Variants in ASTN2 observed in about 807,000 individuals in gnomAD.
ASTN2 encodes the protein astrotactin 2.
Under a neutral mutation model 139.8 loss-of-function variants are expected in ASTN2, and 54 were observed. The ratio of observed to expected loss-of-function variants is 0.39; its 90% CI spans 0.31 to 0.48. ASTN2 has a LOEUF of 0.48. Ranked by LOEUF, ASTN2 falls within the 20% of genes least tolerant of loss-of-function variation. The pLI, the probability that ASTN2 is intolerant of heterozygous loss-of-function variation, is 0.95. For missense variants in ASTN2, 1,565 were observed against 1,725.1 expected, an observed-to-expected ratio of 0.91 and a Z score of 1.64; for synonymous variants, 756 against 719.5, an observed-to-expected ratio of 1.05 and a Z score of -0.81.
intron 8 of ASTN2, 27 bp downstream of exon 8, chr9:116,976,674 C>T (rs1836349520): frequency 6.2e-7 from 1 of 1,611,366 alleles, no homozygotes; most frequent in Admixed American, 1.7e-5. Context: ...CTGCACTGTC[C>T]TGGACCTGAT....
chr9:116,481,199 G>A (rs1849157496), intron 20 of ASTN2, among the ~76,000 whole-genome samples: 1 of 152,108 alleles, frequency 6.6e-6, no homozygotes, highest in African/African-American at 2.4e-5. Context: ...GGGCAACATG[G>A]CAAAATCCCG....
chr9:116,909,005 T>C (rs779300972), intron 10 of ASTN2, among the ~76,000 whole-genome samples: 4 of 152,154 alleles, frequency 2.6e-5, no homozygotes, highest in South Asian at 2.1e-4. Context: ...GGGATGGTGG[T>C]AGGAACTGGT....
At chr9:116,440,365 T>C (rs867876011) in intron 22 of ASTN2, among the ~76,000 whole-genome samples, 1 of 152,110 alleles carries the variant, frequency 6.6e-6, no homozygotes, top group Non-Finnish European at 1.5e-5. Flanking sequence ...GCAAGGAGAA[T>C]GATTAATGCA....
intron 4 of ASTN2, among the ~76,000 whole-genome samples, chr9:117,131,589 A>C (rs1419054531): frequency 6.6e-6 from 1 of 152,204 alleles, no homozygotes; most frequent in African/African-American, 2.4e-5. Flanking sequence ...GGTCTTAAAA[A>C]GTACATTTAC....
At chr9:116,841,653 C>T (rs1322213478) in intron 11 of ASTN2, among the ~76,000 whole-genome samples, 1 of 152,154 alleles carries the variant, frequency 6.6e-6, no homozygotes, top group Non-Finnish European at 1.5e-5. Context: ...CTGACTGAGC[C>T]ACTTCCTCAA....
intron 3 of ASTN2, chr9:117,180,955 A>G (rs1397514439): frequency 7.5e-6 from 12 of 1,597,692 alleles, no homozygotes; most frequent in Middle Eastern, 2.0e-4. Flanking sequence ...AACTTGGCCA[A>G]TGTGAACCCT....
At chr9:117,230,225 T>TA (rs940395272) in intron 2 of ASTN2, among the ~76,000 whole-genome samples, 12 of 150,010 alleles carry the variant, frequency 8.0e-5, no homozygotes, top group African/African-American at 2.7e-4. Context: ...CTTAAAGTGT[T>TA]AGATATTTAT....
intron 5 of ASTN2, among the ~76,000 whole-genome samples, chr9:117,093,152 A>G (rs1259378443): frequency 2.0e-5 from 3 of 152,142 alleles, no homozygotes; most frequent in African/African-American, 7.2e-5. Context: ...TTTCAGATTG[A>G]AAAACAGAGA....
At chr9:116,989,508 A>G (rs1836783366) in intron 7 of ASTN2, among the ~76,000 whole-genome samples, 1 of 151,378 alleles carries the variant, frequency 6.6e-6, no homozygotes, top group Non-Finnish European at 1.5e-5. Flanking sequence ...GGAATATTAT[A>G]CCATTTTACG....
At chr9:117,340,802 A>G (rs79099434) in intron 1 of ASTN2, among the ~76,000 whole-genome samples, 6,697 of 152,204 alleles carry the variant, frequency 0.044, 213 homozygotes, top group South Asian at 0.098. Flanking sequence ...GGAGGCTAGG[A>G]CCCCGGTCCC....
chr9:116,833,673 T>C (rs1270743465), intron 11 of ASTN2, among the ~76,000 whole-genome samples: 1 of 152,224 alleles, frequency 6.6e-6, no homozygotes, highest in African/African-American at 2.4e-5. Context: ...AGACTTCTTC[T>C]TTGACCCATT....
At chr9:116,910,384 A>ACCCCTG (rs1018059547) in intron 10 of ASTN2, among the ~76,000 whole-genome samples, 1 of 152,130 alleles carries the variant, frequency 6.6e-6, no homozygotes, top group Non-Finnish European at 1.5e-5. Flanking sequence ...ATTTAGCAGC[A>ACCCCTG]CCCCTGTCAT....
At chr9:116,725,311 T>G (rs1828588594) in intron 16 of ASTN2, among the ~76,000 whole-genome samples, 1 of 151,984 alleles carries the variant, frequency 6.6e-6, no homozygotes, top group Admixed American at 6.6e-5. Context: ...GGAAACCGTC[T>G]GCTTGGTTAT....
chr9:116,435,606 C>T (rs1344997447), intron 22 of ASTN2, among the ~76,000 whole-genome samples: 1 of 152,228 alleles, frequency 6.6e-6, no homozygotes, highest in African/African-American at 2.4e-5. Context: ...CAACTTCTCT[C>T]ATCTTTGCAT....
chr9:116,635,778 T>G lies in ASTN2; in HGVS notation c.3073-15335A>C, dbSNP rs1275817258. Among the ~76,000 whole-genome samples, 3 of 152,334 alleles carry G rather than the reference T, an allele frequency of 2.0e-5. No individual in the cohort carries two copies. In the East Asian group the frequency reaches 5.8e-4, roughly 29 times the overall value. ...AGCCCAAAAGCCCAAGCTCTTTTGA[T>G]AGTGGATGTAGGATCTCTGAAAAGG... On this transcript the variant is annotated intron_variant, in intron 17 of 22. Coordinates refer to ENST00000313400, the MANE Select transcript of ASTN2 (RefSeq NM_001365068.1).
Position 116,487,340 on chromosome 9 carries a change from C to A in ASTN2, c.3497+19G>T, listed in dbSNP as rs561860594. ...CATCCTGTCTGCCTCATGATCCCCA[C>A]ACACCCAACACATCTTACTTGTAGA... On this transcript the variant is annotated intron_variant, in intron 20 of 22. Coordinates refer to ENST00000313400, the MANE Select transcript of ASTN2 (RefSeq NM_001365068.1). The A allele has an allele frequency of 1.9e-6, 3 of 1,612,562 alleles. No homozygotes were observed. The East Asian group carries it at 6.7e-5, about 36-fold the overall frequency.
intron 1 of ASTN2, among the ~76,000 whole-genome samples, chr9:117,296,908 T>A (rs1834750755): frequency 6.6e-6 from 1 of 152,154 alleles, no homozygotes; most frequent in South Asian, 2.1e-4. Flanking sequence ...AGAGAGAGGA[T>A]CAGCCTTCAT....
chr9:116,921,503 G>C (rs147364080), intron 10 of ASTN2, among the ~76,000 whole-genome samples: 2,022 of 151,314 alleles, frequency 0.013, 24 homozygotes, highest in Non-Finnish European at 0.019. Flanking sequence ...CAGGAGAATG[G>C]TGTGAACCTG....
intron 4 of ASTN2, among the ~76,000 whole-genome samples, chr9:117,132,304 C>A (rs1829845758): frequency 6.6e-6 from 1 of 152,154 alleles, no homozygotes; most frequent in Non-Finnish European, 1.5e-5. Context: ...CCACCTGGAG[C>A]CAAGCCCAAA....
Sources: allele counts gnomAD v4.1 joint callset (sites outside exome capture counted in the v4.1 genomes callset), GRCh38; gene constraint gnomAD v4.1.1; transcripts MANE v1.5; gene names NCBI Gene and HGNC (gene_info 2026-07-23, HGNC 2026-07-21).